The following PDE4D variants were observed in gnomAD, a reference collection of about 807,000 sequenced individuals.
PDE4D encodes phosphodiesterase 4D, also known as 3',5'-cyclic-AMP phosphodiesterase 4D.
Under a neutral mutation model 87.4 loss-of-function variants are expected in PDE4D, and 24 were observed. The ratio of observed to expected loss-of-function variants is 0.27; its 90% CI spans 0.20 to 0.39. The LOEUF (loss-of-function observed/expected upper bound fraction) is 0.39, where lower values mean the gene tolerates loss of function less well. Among genes scored for constraint, PDE4D ranks in the 10% least tolerant of loss-of-function variants. The pLI, the probability that PDE4D is intolerant of heterozygous loss-of-function variation, is 1.00. For synonymous variants in PDE4D, 384 were observed against 383.2 expected, an observed-to-expected ratio of 1.00 and a Z score of -0.02; for missense variants, 714 against 1,041.0, an observed-to-expected ratio of 0.69 and a Z score of 4.32.
At chr5:59,586,505 CA>C (rs11402131) in intron 1 of PDE4D, 22,249 of 1,109,086 alleles carry the variant, frequency 0.02, 12 homozygotes, top group South Asian at 0.031. Flanking sequence ...TATTGAATCC[CA>C]AAAAAAAAAA....
At chr5:59,535,480 T>G (rs932454562) in intron 1 of PDE4D, among the ~76,000 whole-genome samples, 1 of 152,198 alleles carries the variant, frequency 6.6e-6, no homozygotes, top group African/African-American at 2.4e-5. Context: ...GAAACCAAAG[T>G]GTTACATATT....
intron 2 of PDE4D, among the ~76,000 whole-genome samples, chr5:60,110,779 A>C (rs1295290646): frequency 6.6e-6 from 1 of 152,138 alleles, no homozygotes; most frequent in African/African-American, 2.4e-5. Flanking sequence ...CAAATAGATA[A>C]AGAAAATGTG....
At chr5:59,480,610 T>C (rs1043253086) in intron 1 of PDE4D, among the ~76,000 whole-genome samples, 1 of 152,162 alleles carries the variant, frequency 6.6e-6, no homozygotes, top group Non-Finnish European at 1.5e-5. Flanking sequence ...CACTGAGAGG[T>C]TAATGGGTCC....
chr5:59,748,129 C>T (rs1448430128), intron 1 of PDE4D, among the ~76,000 whole-genome samples: 1 of 152,172 alleles, frequency 6.6e-6, no homozygotes, highest in Non-Finnish European at 1.5e-5. Context: ...TTTGAGTAGT[C>T]CTCTCTCACA....
intron 1 of PDE4D, among the ~76,000 whole-genome samples, chr5:59,265,804 T>C (rs1000903893): frequency 6.6e-6 from 1 of 152,078 alleles, no homozygotes; most frequent in African/African-American, 2.4e-5. Flanking sequence ...GGATTCATCA[T>C]GAGGATCTAA....
rs1748869065 is a variant in PDE4D, at chr5:60,254,828, C to T, written c.-89-69141G>A. Among the ~76,000 whole-genome samples the T allele has an allele frequency of 2.0e-5, 3 of 151,810 alleles. 1 individual carries two copies. In the South Asian group the frequency reaches 6.2e-4, roughly 31 times the overall value. On this transcript the variant is annotated intron_variant, in intron 1 of 16. Transcript: ENST00000502484. ...GACATGAGAATATTAATGGTATATACATCATAAGGTCATTGTAAAAATTAA... is the reference window on the plus strand; with the variant it reads ...GACATGAGAATATTAATGGTATATATATCATAAGGTCATTGTAAAAATTAA...
chr5:60,380,010 GTGAAAGTA>G (rs1263863623), intron 1 of PDE4D, among the ~76,000 whole-genome samples: 1 of 152,208 alleles, frequency 6.6e-6, no homozygotes, highest in Non-Finnish European at 1.5e-5. Context: ...CTCAATCTCA[GTGAAAGTA>G]TGAGCAAAGG....
intron 1 of PDE4D, among the ~76,000 whole-genome samples, chr5:60,320,132 A>G (rs1756091242): frequency 6.6e-6 from 1 of 152,192 alleles, no homozygotes; most frequent in African/African-American, 2.4e-5. Flanking sequence ...GGCTCCACCC[A>G]GTTCGAGCTT....
chr5:60,163,632 G>A (rs192633246), intron 2 of PDE4D, among the ~76,000 whole-genome samples: 2 of 152,272 alleles, frequency 1.3e-5, no homozygotes, highest in East Asian at 3.9e-4. Context: ...AGGCTCAGTT[G>A]TAGCACTGCT....
At chr5:60,377,402 G>C (rs1023702864) in intron 1 of PDE4D, among the ~76,000 whole-genome samples, 1 of 152,114 alleles carries the variant, frequency 6.6e-6, no homozygotes, top group Admixed American at 6.6e-5. Flanking sequence ...TCAGATCAAG[G>C]GATTGAAGGA....
At chr5:59,773,482 C>T (rs1763779162) in intron 1 of PDE4D, among the ~76,000 whole-genome samples, 1 of 152,166 alleles carries the variant, frequency 6.6e-6, no homozygotes, top group Non-Finnish European at 1.5e-5. Flanking sequence ...AGCATATACA[C>T]TGAGTCAACC....
intron 1 of PDE4D, among the ~76,000 whole-genome samples, chr5:59,790,570 G>C (rs907089044): frequency 6.6e-6 from 1 of 152,190 alleles, no homozygotes; most frequent in African/African-American, 2.4e-5. Context: ...GACTAAAGCT[G>C]TTGACCTACG....
intron 1 of PDE4D, among the ~76,000 whole-genome samples, chr5:59,696,791 C>T (rs967899509): frequency 7.2e-5 from 11 of 152,098 alleles, no homozygotes; most frequent in South Asian, 2.1e-4. Flanking sequence ...GTTCCTTGAC[C>T]GGAATAACTG....
At chr5:60,238,837 G>A (rs1286833639) in intron 1 of PDE4D, among the ~76,000 whole-genome samples, 3 of 151,842 alleles carry the variant, frequency 2.0e-5, no homozygotes, top group Admixed American at 6.6e-5. Context: ...AAAAATGTTT[G>A]TTTTAATATA....
At chr5:59,229,625 G>A (rs900120193) in intron 1 of PDE4D, among the ~76,000 whole-genome samples, 1 of 152,156 alleles carries the variant, frequency 6.6e-6, no homozygotes, top group African/African-American at 2.4e-5. Context: ...ACGTGCAGCT[G>A]CTAGTACCAC....
At chr5:60,137,741 T>G (rs1780174958) in intron 2 of PDE4D, among the ~76,000 whole-genome samples, 2 of 152,232 alleles carry the variant, frequency 1.3e-5, no homozygotes, top group African/African-American at 4.8e-5. Context: ...GTAGGCTGTT[T>G]ACTCTGTTAA....
At chr5:59,907,453 GGGGGAGGAA>G (rs1290492329) in intron 3 of PDE4D, among the ~76,000 whole-genome samples, 1 of 152,034 alleles carries the variant, frequency 6.6e-6, no homozygotes, top group Non-Finnish European at 1.5e-5. Flanking sequence ...GATGGGAGGA[GGGGGAGGAA>G]AAGAAAAAAT....
At chr5:59,792,644 G>A (rs1386640706) in intron 1 of PDE4D, among the ~76,000 whole-genome samples, 1 of 152,160 alleles carries the variant, frequency 6.6e-6, no homozygotes, top group African/African-American at 2.4e-5. Flanking sequence ...ATGCAAAGGA[G>A]TTTGGACATT....
At chr5:60,090,524 T>C (rs1184215165) in intron 2 of PDE4D, among the ~76,000 whole-genome samples, 2 of 152,144 alleles carry the variant, frequency 1.3e-5, no homozygotes, top group Non-Finnish European at 2.9e-5. Context: ...ATAAGAAATA[T>C]ACCTCGAAAC....
Sources: allele counts gnomAD v4.1 joint callset (sites outside exome capture counted in the v4.1 genomes callset), GRCh38; gene constraint gnomAD v4.1.1; transcripts MANE v1.5; gene names NCBI Gene and HGNC (gene_info 2026-07-23, HGNC 2026-07-21).